GPR158: variants seen among roughly 807,000 people sequenced by gnomAD.
GPR158 encodes the protein metabotropic glycine receptor.
In GPR158, 30 loss-of-function variants were observed where a neutral mutation model predicts 78.2. The ratio of observed to expected loss-of-function variants is 0.38; its 90% CI spans 0.29 to 0.52. The LOEUF (loss-of-function observed/expected upper bound fraction) is 0.52, where lower values mean the gene tolerates loss of function less well. GPR158 is among the 20% of genes least tolerant of loss of function. The pLI is 0.83. For missense variants in GPR158, 1,463 were observed against 1,523.5 expected, an observed-to-expected ratio of 0.96 and a Z score of 0.66; for synonymous variants, 581 against 591.1, an observed-to-expected ratio of 0.98 and a Z score of 0.25.
intron 4 of GPR158, among the ~76,000 whole-genome samples, chr10:25,434,710 G>A (rs1315805148): frequency 6.6e-6 from 1 of 152,136 alleles, no homozygotes; most frequent in African/African-American, 2.4e-5. Flanking sequence ...AGTGATTAAG[G>A]TCACAGACGT....
intron 2 of GPR158, among the ~76,000 whole-genome samples, chr10:25,308,582 C>T: frequency 6.6e-6 from 1 of 152,088 alleles, no homozygotes; most frequent in East Asian, 1.9e-4. Context: ...GCCATCTTAA[C>T]AGTTTTCAAG....
chr10:25,589,885 C>A (rs1837318145), intron 8 of GPR158, among the ~76,000 whole-genome samples: 1 of 152,094 alleles, frequency 6.6e-6, no homozygotes, highest in African/African-American at 2.4e-5. Flanking sequence ...AGAAGGAATT[C>A]TATCATTTAA....
chr10:25,296,171 C>T (rs1352695734), intron 2 of GPR158, among the ~76,000 whole-genome samples: 2 of 152,044 alleles, frequency 1.3e-5, no homozygotes, highest in African/African-American at 4.8e-5. Context: ...CACCTCGAGG[C>T]AAGGAAACTG....
At position 25,395,923 on chromosome 10, in the gene GPR158, A is replaced by G; in HGVS notation, c.1021A>G (p.Lys341Glu). ...HLNNSECMPI[K>E]GLGFVLGAYE... ...TTCTTCTTCATAGTGTATGCCAATTAAAGGCCTAGGATTCGTTCTTGGAGC... is the reference window on the plus strand; with the variant it reads ...TTCTTCTTCATAGTGTATGCCAATTGAAGGCCTAGGATTCGTTCTTGGAGC... The change falls in exon 3 of 11, where the codon AAA (lysine) becomes GAA (glutamate). Residue 341 changes from lysine (K) to glutamate (E), a missense_variant. By Grantham distance (56) the Lys-to-Glu change is moderately conservative (BLOSUM62 1). Transcript: ENST00000376351. 1 of 1,579,600 alleles carries G rather than the reference A, an allele frequency of 6.3e-7. No homozygotes were observed.
intron 4 of GPR158, among the ~76,000 whole-genome samples, chr10:25,435,816 A>T (rs1259849224): frequency 2.6e-5 from 4 of 152,230 alleles, no homozygotes; most frequent in Non-Finnish European, 2.9e-5. Flanking sequence ...AAATGACAAG[A>T]AGTCTCTTGA....
At chr10:25,363,345 G>C (rs1855670596) in intron 2 of GPR158, among the ~76,000 whole-genome samples, 1 of 151,848 alleles carries the variant, frequency 6.6e-6, no homozygotes, top group Admixed American at 6.6e-5. Context: ...AATGATGAAT[G>C]TTAATATTTA....
chr10:25,210,685 C>G (rs1165934112), intron 1 of GPR158, among the ~76,000 whole-genome samples: 3 of 152,018 alleles, frequency 2.0e-5, no homozygotes, highest in Non-Finnish European at 4.4e-5. Flanking sequence ...CTGTTTATAT[C>G]CTTTGCCCAC....
intron 2 of GPR158, among the ~76,000 whole-genome samples, chr10:25,278,296 A>G (rs1854214871): frequency 6.6e-6 from 1 of 152,190 alleles, no homozygotes; most frequent in African/African-American, 2.4e-5. Flanking sequence ...AATTGATAAA[A>G]TTAACTCATA....
chr10:25,589,626 C>CTAGA (rs1264951944), intron 8 of GPR158, among the ~76,000 whole-genome samples: 1 of 152,114 alleles, frequency 6.6e-6, no homozygotes, highest in Non-Finnish European at 1.5e-5. Flanking sequence ...AATCTGATGA[C>CTAGA]TAGATTATCA....
chr10:25,196,434 G>A (rs1028405803), intron 1 of GPR158, among the ~76,000 whole-genome samples: 5 of 151,864 alleles, frequency 3.3e-5, no homozygotes, highest in Non-Finnish European at 7.4e-5. Context: ...AATTATTGTT[G>A]TTCCAACTTC....
At chr10:25,499,639 A>G (rs1835928520) in intron 5 of GPR158, among the ~76,000 whole-genome samples, 1 of 152,248 alleles carries the variant, frequency 6.6e-6, no homozygotes, top group Non-Finnish European at 1.5e-5. Flanking sequence ...TAGATGCTAT[A>G]AAGAATACAA....
chr10:25,327,214 T>C (rs904401726), intron 2 of GPR158, among the ~76,000 whole-genome samples: 6 of 151,868 alleles, frequency 4.0e-5, no homozygotes, highest in East Asian at 1.9e-4. Flanking sequence ...CCTAAATACC[T>C]GCGATATCTT....
intron 2 of GPR158, among the ~76,000 whole-genome samples, chr10:25,248,632 C>T (rs12020311): frequency 5.2e-4 from 79 of 151,058 alleles, no homozygotes; most frequent in African/African-American, 1.7e-3. Flanking sequence ...TGTAGGTATG[C>T]GGCGTTATTT....
intron 5 of GPR158, among the ~76,000 whole-genome samples, chr10:25,513,315 T>G (rs1836109777): frequency 6.6e-6 from 1 of 152,004 alleles, no homozygotes; most frequent in Non-Finnish European, 1.5e-5. Flanking sequence ...GGTTTTCTAG[T>G]TTTTGTGCAT....
intron 5 of GPR158, among the ~76,000 whole-genome samples, chr10:25,501,818 A>C (rs1284672569): frequency 1.3e-5 from 2 of 152,214 alleles, no homozygotes; most frequent in African/African-American, 4.8e-5. Flanking sequence ...TCTAGTGTTT[A>C]GAAGACAGAA....
intron 5 of GPR158, among the ~76,000 whole-genome samples, chr10:25,473,475 G>C (rs1236079334): frequency 6.6e-6 from 1 of 152,166 alleles, no homozygotes; most frequent in Non-Finnish European, 1.5e-5. Context: ...CTCATAAAAT[G>C]AGTTAGGGAG....
At chr10:25,541,289 T>C (rs1167350188) in intron 5 of GPR158, among the ~76,000 whole-genome samples, 1 of 152,136 alleles carries the variant, frequency 6.6e-6, no homozygotes, top group African/African-American at 2.4e-5. Context: ...TATGGAATTA[T>C]AAAAATTCTT....
At chr10:25,211,082 G>A (rs1396863512) in intron 1 of GPR158, among the ~76,000 whole-genome samples, 1 of 151,816 alleles carries the variant, frequency 6.6e-6, no homozygotes, top group Non-Finnish European at 1.5e-5. Context: ...CAGTGAACTG[G>A]GATTGTGCCA....
intron 8 of GPR158, 124 bp from the exon 9 acceptor site, chr10:25,594,168 A>T: frequency 1.6e-6 from 1 of 624,006 alleles, no homozygotes; most frequent in Non-Finnish European, 2.8e-6. Flanking sequence ...ATGCCATAGA[A>T]ATAGTAATAC....
Sources: gnomAD v4.1 joint callset for allele counts (sites outside exome capture counted in the v4.1 genomes callset) on GRCh38, gnomAD v4.1.1 for gene constraint, MANE v1.5 for transcripts, NCBI Gene and HGNC (gene_info 2026-07-23, HGNC 2026-07-21) for gene names.